PIK3C3: variants seen among roughly 807,000 people sequenced by gnomAD.
The protein encoded by PIK3C3 is PI3-kinase type 3.
In PIK3C3, 95 loss-of-function variants were observed where a neutral mutation model predicts 126.1. The ratio of observed to expected loss-of-function variants is 0.75; its 90% CI spans 0.64 to 0.89. The LOEUF (loss-of-function observed/expected upper bound fraction) is 0.89. Ranked by LOEUF, PIK3C3 falls within the 40% of genes least tolerant of loss-of-function variation. PIK3C3 has a pLI of 0.00. For synonymous variants in PIK3C3, 374 were observed against 360.0 expected (o/e 1.04, Z -0.44); for missense variants, 829 against 1,063.2 (o/e 0.78, Z 3.06).
Position 42,043,805 on chromosome 18 carries a change from G to A in PIK3C3, c.2176G>A (p.Val726Ile), listed in dbSNP as rs141681761. 217 of 1,610,832 alleles carry A rather than the reference G, an allele frequency of 1.3e-4. No homozygotes were observed. In the African/African-American group the frequency reaches 2.5e-3, roughly 19 times the overall value. ...TAGTGCTGAGGTCATGGACACTTAC[G>A]TTAAAAGCTGTGGTAAGTTTTTCAG... ...GISAEVMDTY[V>I]KSCAGYCVIT... is the part of the protein sequence containing the mutation. Residue 726 changes from valine (V) to isoleucine (I), a missense_variant, in exon 20 of 25, where the codon GTT becomes ATT. Val to Ile is a conservative substitution (Grantham distance 29). This residue lies in a region of PIK3C3 where 196 missense variants were observed against 312.8 expected (regional missense o/e 0.63). Transcript: ENST00000262039.
intron 21 of PIK3C3, among the ~76,000 whole-genome samples, chr18:42,054,442 A>G (rs1056566841): frequency 2.0e-5 from 3 of 151,536 alleles, no homozygotes; most frequent in African/African-American, 7.3e-5. Context: ...GTGCCCATCT[A>G]GATTAAAGGT....
intron 15 of PIK3C3, 127 bp from the exon 16 acceptor site, chr18:42,033,699 C>T (rs1983925559): frequency 6.7e-6 from 4 of 597,170 alleles, no homozygotes; most frequent in Non-Finnish European, 5.6e-6. Context: ...AACACCATCT[C>T]CTTTATATTA....
chr18:42,037,844 G>A (rs1434372387), intron 17 of PIK3C3, 24 bp downstream of exon 17: 1 of 1,584,670 alleles, frequency 6.3e-7, no homozygotes, highest in Admixed American at 1.7e-5. Context: ...TATGTTGGTG[G>A]GGAACATTTT....
chr18:42,004,919 A>G (rs1982470404), intron 10 of PIK3C3, among the ~76,000 whole-genome samples: 2 of 152,176 alleles, frequency 1.3e-5, no homozygotes, highest in African/African-American at 2.4e-5. Context: ...AACAAGCCAC[A>G]TTTAATTGTA....
At chr18:42,002,928 T>C (rs1193559785) in intron 9 of PIK3C3, among the ~76,000 whole-genome samples, 2 of 152,108 alleles carry the variant, frequency 1.3e-5, no homozygotes, top group South Asian at 4.1e-4. Flanking sequence ...GAGTAATGGC[T>C]CCAAGGGGAA....
In PIK3C3 at chr18:41,999,867, T is replaced by G. The variant is rs545684032; in HGVS notation, c.984+3137T>G. Among the ~76,000 whole-genome samples, 5 of 152,174 alleles carry G rather than the reference T, an allele frequency of 3.3e-5. No homozygotes were observed. In the South Asian group the frequency reaches 8.3e-4, roughly 25 times the overall value. ...TTTTTATTTGGTGGTCATTTTTTTA[T>G]GGGGCAGGAAAGCATGAGTAAGGTA... On this transcript the variant is annotated intron_variant, in intron 9 of 24. Transcript: ENST00000262039.
At chr18:42,037,930 C>T in intron 17 of PIK3C3, 110 bp downstream of exon 17, 1 of 1,015,210 alleles carries the variant, frequency 9.9e-7, no homozygotes. Context: ...CAGGTACGAT[C>T]CTAGAAAGCT....
intron 14 of PIK3C3, among the ~76,000 whole-genome samples, chr18:42,028,191 A>T (rs1316502057): frequency 2.0e-5 from 3 of 152,132 alleles, no homozygotes; most frequent in Non-Finnish European, 4.4e-5. Flanking sequence ...AGTTTTCTTG[A>T]TCCCTAATTT....
At chr18:41,996,084 A>G in intron 8 of PIK3C3, 90 bp downstream of exon 8, 2 of 803,006 alleles carry the variant, frequency 2.5e-6, no homozygotes, top group South Asian at 1.5e-5. Flanking sequence ...AAAATTATTT[A>G]GATGCACATT....
At chr18:42,034,353 A>G (rs1025783666) in intron 16 of PIK3C3, among the ~76,000 whole-genome samples, 2 of 152,128 alleles carry the variant, frequency 1.3e-5, no homozygotes, top group African/African-American at 4.8e-5. Flanking sequence ...CATACCCAAC[A>G]TAATATTTAG....
chr18:42,040,698 C>G lies in PIK3C3; in HGVS notation c.2060C>G (p.Ser687Ter). The G allele has an allele frequency of 6.2e-7, 1 of 1,611,098 alleles. No individual in the cohort carries two copies. The highest frequency in any genetic ancestry group is 8.5e-7 in the Non-Finnish European group (1 of 1,177,654). ...GTAGGCTTCATGCAGTTTATCCAGT[C>G]AGTTCCTGTGGCTGAAGTTCTTGAT... is the stretch of plus-strand genomic sequence containing the variant. ...TKHGFMQFIQSVPVAEVLDTE... is the reference protein window; with the variant it reads ...TKHGFMQFIQ Residue 687 changes from serine (S) to a stop codon, truncating the protein, a stop_gained, in exon 19 of 25, where the codon TCA (serine) becomes TGA (stop). Coordinates refer to ENST00000262039, the MANE Select transcript of PIK3C3 (RefSeq NM_002647.4). LOFTEE classifies it high-confidence loss of function.
At chr18:41,985,379 T>C (rs1981417598) in intron 4 of PIK3C3, among the ~76,000 whole-genome samples, 1 of 152,144 alleles carries the variant, frequency 6.6e-6, no homozygotes, top group Admixed American at 6.6e-5. Flanking sequence ...ATCATAAAAT[T>C]AGCTCAAAGA....
intron 2 of PIK3C3, among the ~76,000 whole-genome samples, chr18:41,960,929 A>T (rs1474407592): frequency 6.6e-6 from 1 of 151,732 alleles, no homozygotes; most frequent in African/African-American, 2.4e-5. Flanking sequence ...TTTAGTAGAG[A>T]CACGGTTTCA....
At chr18:42,053,755 AAG>A (rs1302386021) in intron 21 of PIK3C3, among the ~76,000 whole-genome samples, 4 of 152,066 alleles carry the variant, frequency 2.6e-5, no homozygotes, top group East Asian at 1.9e-4. Flanking sequence ...AGTTTGAGGA[AAG>A]AGGGGAAGGC....
chr18:42,066,140 A>C (rs1985527704), intron 23 of PIK3C3, among the ~76,000 whole-genome samples: 1 of 152,160 alleles, frequency 6.6e-6, no homozygotes, highest in Admixed American at 6.5e-5. Context: ...CAGACATGAG[A>C]GAGCTAGTTC....
chr18:42,003,527 T>C (rs1982393146), intron 9 of PIK3C3, among the ~76,000 whole-genome samples: 1 of 152,196 alleles, frequency 6.6e-6, no homozygotes, highest in Admixed American at 6.5e-5. Flanking sequence ...TTCTCCTGAC[T>C]GAGCATCTGA....
At chr18:42,053,032 C>G (rs1984872593) in intron 21 of PIK3C3, 1 of 152,124 alleles carries the variant, frequency 6.6e-6, no homozygotes, top group Non-Finnish European at 1.5e-5. Flanking sequence ...GAATTTCAAT[C>G]AGACTTCCAC....
rs200002230 is a variant in PIK3C3, at chr18:41,962,614, C to T, written c.383C>T (p.Ser128Leu). Residue 128 changes from serine (S) to leucine (L), a missense_variant, in exon 3 of 25, where the codon TCG becomes TTG. Coordinates refer to ENST00000262039, the MANE Select transcript of PIK3C3 (RefSeq NM_002647.4). The part of the protein sequence containing the change: ...KAVPVGGTTV[S>L]LFGKYGMFRQ... ...GTGCCTGTAGGAGGAACAACGGTTT[C>T]GCTCTTTGGAAAATACGGGTAAGCA... 25 of 1,610,682 alleles carry T rather than the reference C, an allele frequency of 1.6e-5. No homozygotes were observed. In the East Asian group the frequency reaches 3.1e-4, roughly 20 times the overall value.
chr18:41,961,376 A>C (rs541825835), intron 2 of PIK3C3, among the ~76,000 whole-genome samples: 1 of 152,248 alleles, frequency 6.6e-6, no homozygotes, highest in East Asian at 1.9e-4. Context: ...TAATTAGATA[A>C]TTTTATTTAG....
Sources: allele counts gnomAD v4.1 joint callset (sites outside exome capture counted in the v4.1 genomes callset), GRCh38; gene constraint gnomAD v4.1.1; regional missense constraint gnomAD v4.1.1; transcripts MANE v1.5; gene names NCBI Gene and HGNC (gene_info 2026-07-23, HGNC 2026-07-21).